The following DNM3 variants were observed in gnomAD, a reference collection of about 807,000 sequenced individuals.
The protein encoded by DNM3 is dynamin 3, also known as dynamin-3.
Under a neutral mutation model 101.6 loss-of-function variants are expected in DNM3, and 47 were observed. That is an observed-to-expected ratio of 0.46 (90% CI 0.37 to 0.59). The LOEUF is 0.59. Ranked by LOEUF, DNM3 falls within the 20% of genes least tolerant of loss-of-function variation. The pLI, the probability that DNM3 is intolerant of heterozygous loss-of-function variation, is 0.00. For missense variants in DNM3, 849 were observed against 1,085.7 expected, an observed-to-expected ratio of 0.78 and a Z score of 3.06; for synonymous variants, 385 against 387.9, an observed-to-expected ratio of 0.99 and a Z score of 0.09.
At chr1:172,231,396 AG>A (rs1227153121) in intron 14 of DNM3, among the ~76,000 whole-genome samples, 1 of 152,172 alleles carries the variant, frequency 6.6e-6, no homozygotes, top group African/African-American at 2.4e-5. Context: ...GACTCTTAGA[AG>A]GAAAACTAAC....
intron 2 of DNM3, among the ~76,000 whole-genome samples, chr1:171,964,831 G>A (rs1326559159): frequency 1.3e-5 from 2 of 151,384 alleles, no homozygotes; most frequent in African/African-American, 4.9e-5. Context: ...GGTCCCCTCA[G>A]TGATTTCTCT....
chr1:172,204,429 T>C (rs2060259117), intron 14 of DNM3, among the ~76,000 whole-genome samples: 5 of 152,114 alleles, frequency 3.3e-5, no homozygotes, highest in Admixed American at 3.3e-4. Context: ...TTATTTCCAC[T>C]TCCATAGAAT....
chr1:172,109,560 C>G (rs1402979771), intron 13 of DNM3, among the ~76,000 whole-genome samples: 2 of 152,170 alleles, frequency 1.3e-5, no homozygotes, highest in African/African-American at 4.8e-5. Flanking sequence ...ATTCATGTCA[C>G]TGATTTCCGG....
At chr1:172,120,424 A>G (rs1049290982) in intron 13 of DNM3, among the ~76,000 whole-genome samples, 1 of 152,202 alleles carries the variant, frequency 6.6e-6, no homozygotes, top group Non-Finnish European at 1.5e-5. Flanking sequence ...TGAAATTTGC[A>G]TGGGGACAGA....
chr1:172,022,888 A>C (rs975284319), intron 4 of DNM3, among the ~76,000 whole-genome samples: 5 of 152,166 alleles, frequency 3.3e-5, no homozygotes, highest in African/African-American at 1.2e-4. Context: ...CATTCTACTA[A>C]AAGAATCATA....
chr1:172,319,130 A>G (rs1383414881), intron 16 of DNM3, among the ~76,000 whole-genome samples: 1 of 152,198 alleles, frequency 6.6e-6, no homozygotes, highest in African/African-American at 2.4e-5. Flanking sequence ...AAAAACAAGC[A>G]ATGAGGAAAG....
chr1:172,383,488 C>G (rs1378739247), intron 18 of DNM3, among the ~76,000 whole-genome samples: 3 of 152,110 alleles, frequency 2.0e-5, no homozygotes, highest in Non-Finnish European at 4.4e-5. Context: ...AATTAAACTT[C>G]TCAATTGAAT....
chr1:172,153,596 T>C (rs1484473636), intron 14 of DNM3, among the ~76,000 whole-genome samples: 2 of 127,074 alleles, frequency 1.6e-5, no homozygotes, highest in East Asian at 6.1e-4. Context: ...CACGAAACTT[T>C]CTCTGAGTAT....
In DNM3 at chr1:172,411,781, C is replaced by T. The variant is rs1163933996; in HGVS notation, c.*3940C>T. 1.0e-6 allele frequency: 1 copy of T among 985,414 alleles called. No homozygotes were observed. The highest frequency in any genetic ancestry group is 1.7e-5 in the African/African-American group (1 of 57,230). 61.0% of individuals were successfully genotyped at this position (985,414 alleles called of 1,614,324 possible). ...TCATGAAAGAAGATAGTGTATGAGA[C>T]TTAAGCCATGAGTTTTGTATCATTT... On this transcript the variant is annotated 3_prime_UTR_variant, in exon 21 of 21. Coordinates refer to ENST00000627582, the MANE Select transcript of DNM3 (RefSeq NM_015569.5).
intron 13 of DNM3, among the ~76,000 whole-genome samples, chr1:172,110,099 A>G (rs974258529): frequency 6.6e-6 from 1 of 152,194 alleles, no homozygotes; most frequent in Non-Finnish European, 1.5e-5. Flanking sequence ...AAGTTCTAAC[A>G]TTCATTATTC....
chr1:171,954,752 G>C (rs979612768), intron 2 of DNM3, among the ~76,000 whole-genome samples: 2 of 152,180 alleles, frequency 1.3e-5, no homozygotes, highest in Non-Finnish European at 2.9e-5. Flanking sequence ...ACCAGGAGAT[G>C]GAGGATTTTT....
At chr1:171,972,363 AT>A (rs1211655284) in intron 2 of DNM3, among the ~76,000 whole-genome samples, 1 of 152,240 alleles carries the variant, frequency 6.6e-6, no homozygotes, top group Non-Finnish European at 1.5e-5. Context: ...TAAGTAGTAC[AT>A]TCACAAGATC....
intron 14 of DNM3, among the ~76,000 whole-genome samples, chr1:172,252,414 A>G (rs1258395380): frequency 6.6e-6 from 1 of 152,202 alleles, no homozygotes; most frequent in Non-Finnish European, 1.5e-5. Context: ...CTGAGCTACA[A>G]ATTCTTAAGG....
intron 2 of DNM3, among the ~76,000 whole-genome samples, chr1:171,959,771 G>A (rs570212545): frequency 2.8e-4 from 42 of 152,138 alleles, no homozygotes; most frequent in African/African-American, 9.4e-4. Flanking sequence ...AGGGAGGGGT[G>A]ATTATCAGTG....
intron 14 of DNM3, among the ~76,000 whole-genome samples, chr1:172,157,206 G>A (rs1333896697): frequency 6.6e-6 from 1 of 152,066 alleles, no homozygotes; most frequent in African/African-American, 2.4e-5. Flanking sequence ...CAGATCATCA[G>A]GCATTAGATT....
intron 15 of DNM3, among the ~76,000 whole-genome samples, chr1:172,264,231 T>TA (rs1054323317): frequency 6.6e-6 from 1 of 152,234 alleles, no homozygotes; most frequent in Non-Finnish European, 1.5e-5. Flanking sequence ...GAGAAGAAGC[T>TA]AATTTCAAAG....
downstream of DNM3, chr1:172,412,864 A>C: frequency 1.6e-6 from 1 of 639,002 alleles, no homozygotes; most frequent in Non-Finnish European, 1.9e-6. Context: ...TTCTGTCATT[A>C]ATTTGGAGAA....
chr1:171,887,132 G>A lies in DNM3; in HGVS notation c.162-34616G>A, dbSNP rs2036848423. Among the ~76,000 whole-genome samples the A allele has an allele frequency of 2.0e-5, 3 of 152,126 alleles. No homozygotes were observed. In the South Asian group the frequency reaches 6.2e-4, roughly 32 times the overall value. On this transcript the variant is annotated intron_variant, in intron 1 of 20. Coordinates refer to ENST00000627582, the MANE Select transcript of DNM3 (RefSeq NM_015569.5). ...AAAGAGCTTCCTATTTCCTGATGGGGATCTAAAATTGATTAGCTTCAGGCT... is the reference window on the plus strand; with the variant it reads ...AAAGAGCTTCCTATTTCCTGATGGGAATCTAAAATTGATTAGCTTCAGGCT...
At chr1:172,050,429 A>C (rs1445796662) in intron 10 of DNM3, among the ~76,000 whole-genome samples, 1 of 151,576 alleles carries the variant, frequency 6.6e-6, no homozygotes, top group Non-Finnish European at 1.5e-5. Context: ...TCCCAAACCC[A>C]TTTAGCCAGT....
Sources: gnomAD v4.1 joint callset for allele counts (sites outside exome capture counted in the v4.1 genomes callset) on GRCh38, gnomAD v4.1.1 for gene constraint, MANE v1.5 for transcripts, NCBI Gene and HGNC (gene_info 2026-07-23, HGNC 2026-07-21) for gene names.